Variants in CWC27 observed in about 807,000 individuals in gnomAD.
The protein encoded by CWC27 is CWC27 spliceosome associated cyclophilin, also known as spliceosome-associated protein CWC27 homolog.
In CWC27, 47 loss-of-function variants were observed where a neutral mutation model predicts 63.6. That is an observed-to-expected ratio of 0.74 (90% CI 0.58 to 0.94). CWC27 has a LOEUF of 0.94. CWC27 is among the 40% of genes least tolerant of loss of function. CWC27 has a pLI of 0.00. For missense variants in CWC27, 495 were observed against 554.3 expected (o/e 0.89, Z 1.07); for synonymous variants, 175 against 179.8 (o/e 0.97, Z 0.22).
chr5:64,997,661 T>C lies in CWC27; in HGVS notation c.1256+20423T>C, dbSNP rs146799794. Among the ~76,000 whole-genome samples, 14 of 152,254 alleles carry C rather than the reference T, an allele frequency of 9.2e-5. No homozygotes were observed. The East Asian group carries it at 2.7e-3, about 29-fold the overall frequency. ...ATAAAAAAATTTTTGAGTTTTGATATTTTTTCAGTGGACAATAATGCCTCA... is the reference window on the plus strand; with the variant it reads ...ATAAAAAAATTTTTGAGTTTTGATACTTTTTCAGTGGACAATAATGCCTCA... On this transcript the variant is annotated intron_variant, in intron 13 of 13. Transcript: ENST00000381070.
chr5:64,882,818 G>T (rs1025122857), intron 10 of CWC27, among the ~76,000 whole-genome samples: 4 of 152,036 alleles, frequency 2.6e-5, no homozygotes, highest in Non-Finnish European at 5.9e-5. Flanking sequence ...GGATGGTCTC[G>T]ATCTCCTGAC....
At chr5:64,807,922 A>G in intron 10 of CWC27, 3 of 1,433,240 alleles carry the variant, frequency 2.1e-6, no homozygotes, top group Non-Finnish European at 1.8e-6. Context: ...TTCTAAATAC[A>G]TATCATCTAG....
At chr5:64,906,246 A>G (rs536906972) in intron 11 of CWC27, among the ~76,000 whole-genome samples, 1 of 152,298 alleles carries the variant, frequency 6.6e-6, no homozygotes, top group African/African-American at 2.4e-5. Context: ...ATCCTTGAGG[A>G]ATAGCCACAT....
intron 11 of CWC27, among the ~76,000 whole-genome samples, chr5:64,918,184 A>G (rs2112387175): frequency 6.6e-6 from 1 of 152,312 alleles, no homozygotes; most frequent in Middle Eastern, 3.4e-3. Flanking sequence ...GATGTTATTG[A>G]TGGTTGGAGT....
chr5:64,874,049 T>A (rs1380459562), intron 10 of CWC27, among the ~76,000 whole-genome samples: 1 of 151,976 alleles, frequency 6.6e-6, no homozygotes, highest in Non-Finnish European at 1.5e-5. Flanking sequence ...CTTTGCTCAT[T>A]TAAAAATTCT....
intron 11 of CWC27, among the ~76,000 whole-genome samples, chr5:64,897,359 G>T (rs886517815): frequency 6.6e-6 from 1 of 152,140 alleles, no homozygotes; most frequent in Admixed American, 6.5e-5. Context: ...TGATAGAATG[G>T]ATTAAGAAAA....
At chr5:64,953,221 G>C (rs185596781) in intron 11 of CWC27, among the ~76,000 whole-genome samples, 114 of 152,108 alleles carry the variant, frequency 7.5e-4, no homozygotes, top group African/African-American at 2.5e-3. Flanking sequence ...CTCAATGTTG[G>C]CTTGCTTGTT....
intron 11 of CWC27, among the ~76,000 whole-genome samples, chr5:64,963,533 A>C (rs1748957764): frequency 6.6e-6 from 1 of 152,260 alleles, no homozygotes; most frequent in South Asian, 2.1e-4. Flanking sequence ...ATAGTTGATC[A>C]TACTGTAAAT....
chr5:65,006,080 G>C (rs1390432316), intron 13 of CWC27, among the ~76,000 whole-genome samples: 1 of 150,544 alleles, frequency 6.6e-6, no homozygotes, highest in Non-Finnish European at 1.5e-5. Flanking sequence ...TGTGTTGCTT[G>C]TGATTTCTTA....
chr5:64,794,375 T>A (rs1267094896), intron 7 of CWC27, among the ~76,000 whole-genome samples: 2 of 151,908 alleles, frequency 1.3e-5, no homozygotes, highest in African/African-American at 4.8e-5. Flanking sequence ...GTAATAGGAG[T>A]ACATGTAAAT....
chr5:64,795,672 A>G (rs896977901), intron 7 of CWC27, among the ~76,000 whole-genome samples: 3 of 151,976 alleles, frequency 2.0e-5, no homozygotes, highest in African/African-American at 7.3e-5. Context: ...ACTTGTAAGG[A>G]CTCTTGTAAT....
chr5:64,832,859 G>A (rs372970381), intron 10 of CWC27, among the ~76,000 whole-genome samples: 3 of 151,580 alleles, frequency 2.0e-5, no homozygotes, highest in Non-Finnish European at 4.4e-5. Flanking sequence ...CCTCATAGAC[G>A]CTCTTGAAAT....
intron 10 of CWC27, among the ~76,000 whole-genome samples, chr5:64,824,839 T>G (rs1222777830): frequency 6.6e-6 from 1 of 150,678 alleles, no homozygotes; most frequent in Non-Finnish European, 1.5e-5. Flanking sequence ...TTCAAGAGAT[T>G]CTCCTGCCTC....
intron 11 of CWC27, among the ~76,000 whole-genome samples, chr5:64,920,602 G>A (rs1381631137): frequency 1.3e-5 from 2 of 152,120 alleles, no homozygotes; most frequent in Non-Finnish European, 2.9e-5. Flanking sequence ...TTTTTGGTTG[G>A]TAGGCTTGTT....
chr5:64,821,690 G>C (rs548450440), intron 10 of CWC27, among the ~76,000 whole-genome samples: 69 of 152,284 alleles, frequency 4.5e-4, no homozygotes, highest in African/African-American at 1.7e-3. Context: ...ATTGCAAAAA[G>C]AGTAGGGGAA....
intron 13 of CWC27, among the ~76,000 whole-genome samples, chr5:65,008,733 T>C (rs1016005905): frequency 6.6e-6 from 1 of 152,236 alleles, no homozygotes; most frequent in Non-Finnish European, 1.5e-5. Flanking sequence ...AAACAGTGAA[T>C]GTATATTGCT....
chr5:64,965,448 C>T (rs1005048055), intron 11 of CWC27, among the ~76,000 whole-genome samples: 2 of 152,206 alleles, frequency 1.3e-5, no homozygotes, highest in South Asian at 2.1e-4. Context: ...GCATAGACAA[C>T]ATTCTAGAGT....
At chr5:64,964,570 A>G (rs1156783726) in intron 11 of CWC27, among the ~76,000 whole-genome samples, 1 of 152,212 alleles carries the variant, frequency 6.6e-6, no homozygotes, top group Non-Finnish European at 1.5e-5. Flanking sequence ...ACATGCAGGC[A>G]TACAGACACA....
At chr5:64,799,315 C>T (rs2112202851) in intron 7 of CWC27, among the ~76,000 whole-genome samples, 1 of 152,274 alleles carries the variant, frequency 6.6e-6, no homozygotes, top group East Asian at 1.9e-4. Flanking sequence ...TGGCCAGGCA[C>T]AGTGGCTCAT....
Sources: allele counts gnomAD v4.1 joint callset (sites outside exome capture counted in the v4.1 genomes callset), GRCh38; gene constraint gnomAD v4.1.1; transcripts MANE v1.5; gene names NCBI Gene and HGNC (gene_info 2026-07-23, HGNC 2026-07-21).